RHBDF1: variants seen among roughly 807,000 people sequenced by gnomAD.
RHBDF1 encodes the protein inactive rhomboid protein 1.
A neutral mutation model predicts 98.6 loss-of-function variants in RHBDF1; 80 were observed. The observed-to-expected ratio is 0.81, with a 90% confidence interval of 0.68 to 0.98. The LOEUF is 0.98. Among genes scored for constraint, RHBDF1 ranks in the 50% least tolerant of loss-of-function variants. The pLI is 0.00. For missense variants in RHBDF1, 1,116 were observed against 1,198.3 expected, an observed-to-expected ratio of 0.93 and a Z score of 1.01; for synonymous variants, 512 against 486.8, an observed-to-expected ratio of 1.05 and a Z score of -0.68.
At chr16:71,010 G>T (rs1486224341) in intron 1 of RHBDF1, among the ~76,000 whole-genome samples, 1 of 152,240 alleles carries the variant, frequency 6.6e-6, no homozygotes, top group Non-Finnish European at 1.5e-5. Flanking sequence ...TGTGGCGGAG[G>T]CCCTCACAGC....
chr16:72,567 C>T lies in RHBDF1; in HGVS notation c.-79G>A, dbSNP rs1898004708. ...GAGGGCGCCGGGGAGGAGGCTGCCG[C>T]CGCTGGCCGGGAGGGCCCGCGCCGA... On this transcript the variant is annotated 5_prime_UTR_variant, in exon 1 of 18. Transcript: ENST00000262316. 2 of 897,038 alleles carry T rather than the reference C, an allele frequency of 2.2e-6. No homozygotes were observed. Among genetic ancestry groups the T allele is most frequent in the African/African-American group, 6.4e-5 (2 of 31,490 alleles). 55.6% of individuals were successfully genotyped at this position (897,038 alleles called of 1,614,324 possible).
chr16:58,938 A>C, intron 17 of RHBDF1, 36 bp downstream of exon 17: 1 of 1,608,826 alleles, frequency 6.2e-7, no homozygotes, highest in African/African-American at 1.3e-5. Flanking sequence ...CTGCAGGTGC[A>C]CACGGGAGGA....
In RHBDF1 at chr16:60,531, C is replaced by G; in HGVS notation, c.1566G>C (p.Leu522=). 6.2e-7 allele frequency: 1 copy of G among 1,607,908 alleles called. No homozygotes were observed. The highest frequency in any genetic ancestry group is 8.5e-7 in the Non-Finnish European group (1 of 1,179,650). The change falls in exon 12 of 18, where the codon CTG becomes CTC. Residue 522 remains leucine, a synonymous_variant. Transcript: ENST00000262316. ...GGATGGGCCACTTCACCCACACTGC[C>G]AGCGTGGACTGTGGGAGGGGGACAC... ...QTSEEECSST[L]AVWVKWPIHP... is the part of the protein sequence containing the mutation.
rs754034846 is a variant in RHBDF1 at position 59,147 on chromosome 16, G to A, written c.1995-20C>T. On this transcript the variant is annotated intron_variant, in intron 16 of 17. Coordinates refer to ENST00000262316, the MANE Select transcript of RHBDF1 (RefSeq NM_022450.5). ...AAGATCCTGTAGTCAGTAGCAGGCGGGGGTCGGGAGACATTCAGCAGGGAA... is the reference window on the plus strand; with the variant it reads ...AAGATCCTGTAGTCAGTAGCAGGCGAGGGTCGGGAGACATTCAGCAGGGAA... 2.5e-6 allele frequency: 4 copies of A among 1,608,558 alleles called. No homozygotes were observed. The highest frequency in any genetic ancestry group is 3.4e-6 in the Non-Finnish European group (4 of 1,176,402).
intron 1 of RHBDF1, among the ~76,000 whole-genome samples, chr16:67,707 C>G (rs1453716638): frequency 2.0e-5 from 3 of 152,204 alleles, no homozygotes; most frequent in Admixed American, 1.3e-4. Flanking sequence ...TATGTATGGG[C>G]CACTGTCCTG....
Position 59,073 on chromosome 16 carries a change from C to A in RHBDF1, c.2049G>T (p.Leu683=). Residue 683 remains leucine, a synonymous_variant, in exon 17 of 18, where the codon CTG becomes CTT. Transcript: ENST00000262316. ...TGCGGTGCCAGCCTGCCAGCTTCTC[C>A]AGGTCCCGCAGGACAGTCATCTGGA... ...ICFQMTVLRD[L]EKLAGWHRIA... 6.2e-7 allele frequency: 1 copy of A among 1,613,612 alleles called. No homozygotes were observed. Among genetic ancestry groups the A allele is most frequent in the Non-Finnish European group, 8.5e-7 (1 of 1,180,026 alleles).
Position 59,748 on chromosome 16 carries a change from T to G in RHBDF1, c.1801A>C (p.Ile601Leu). ...CACACGTACCTGCCCTTGGTGCCAA[T>G]GCAGCAGGGCCGTCCTGTGATGACA... The part of the protein sequence containing the change: ...DCVITGRPCC[I>L]GTKGRCEITS... The change falls in exon 14 of 18, where the codon ATT becomes CTT. Residue 601 changes from isoleucine to leucine, a missense_variant. Physicochemically the swap from Ile to Leu is conservative, Grantham distance 5. Coordinates refer to ENST00000262316, the MANE Select transcript of RHBDF1 (RefSeq NM_022450.5). 2 of 1,614,092 alleles carry G rather than the reference T, an allele frequency of 1.2e-6. No individual in the cohort carries two copies. Among genetic ancestry groups the G allele is most frequent in the Non-Finnish European group, 1.7e-6 (2 of 1,180,012 alleles).
chr16:62,319 G>A lies in RHBDF1; in HGVS notation c.953+219C>T. 2 of 745,546 alleles carry A rather than the reference G, an allele frequency of 2.7e-6. 1 individual carries two copies. The allele number at this position is 745,546 out of a possible 1,614,324, so 46.2% of individuals were successfully genotyped here. On this transcript the variant is annotated intron_variant, in intron 7 of 17. Transcript: ENST00000262316. ...CCCGTTGGATTCTGCCCAGCCCCTG[G>A]GTTCTAAGATTGCTGTCCCATTCCA...
chr16:70,332 T>TC (rs1471205272), intron 1 of RHBDF1, among the ~76,000 whole-genome samples: 2 of 152,044 alleles, frequency 1.3e-5, no homozygotes, highest in Non-Finnish European at 2.9e-5. Context: ...GAGGCCCACA[T>TC]CCCCTGCACA....
At chr16:61,732 G>T in intron 8 of RHBDF1, 36 bp from the exon 9 acceptor site, 2 of 1,612,106 alleles carry the variant, frequency 1.2e-6, no homozygotes, top group South Asian at 2.2e-5. Flanking sequence ...CCTCATCCCC[G>T]ACCCGGAGCC....
chr16:62,746 G>A (rs1402744351), intron 6 of RHBDF1, 29 bp downstream of exon 6: 16 of 1,614,094 alleles, frequency 9.9e-6, no homozygotes, highest in Non-Finnish European at 1.4e-5. Flanking sequence ...GGGAACGTGG[G>A]GTGGGGGGAC....
At chr16:58,894 A>C in intron 17 of RHBDF1, 80 bp downstream of exon 17, 1 of 1,573,684 alleles carries the variant, frequency 6.4e-7, no homozygotes, top group Non-Finnish European at 8.7e-7. Context: ...ATGCTCCCAG[A>C]CTCAGTGCTC....
chr16:65,139 C>T (rs936282112), intron 1 of RHBDF1, 100 bp from the exon 2 acceptor site: 41 of 1,271,816 alleles, frequency 3.2e-5, no homozygotes, highest in Non-Finnish European at 3.7e-5. Flanking sequence ...TGAGCCCAAC[C>T]GTGGTGCTCA....
At position 64,911 on chromosome 16, in the gene RHBDF1, G is replaced by T; in HGVS notation, c.105C>A (p.Pro35=). The T allele has an allele frequency of 6.2e-7, 1 of 1,607,872 alleles. No homozygotes were observed. Among genetic ancestry groups the T allele is most frequent in the African/African-American group, 1.3e-5 (1 of 74,916 alleles). Residue 35 remains proline (P), a synonymous_variant, in exon 2 of 18, where the codon CCC becomes CCA. Coordinates refer to ENST00000262316, the MANE Select transcript of RHBDF1 (RefSeq NM_022450.5). ...PSAVPLTAEE[P]SFLQPLRRQA... ...GGCCAGGGCCTACCTGCAGGAAGCTGGGCTCTTCTGCCGTCAGGGGCACCG... is the reference window on the plus strand; with the variant it reads ...GGCCAGGGCCTACCTGCAGGAAGCTTGGCTCTTCTGCCGTCAGGGGCACCG...
At chr16:62,075 T>C (rs761373878) in intron 7 of RHBDF1, 23 bp from the exon 8 acceptor site, 11 of 1,440,704 alleles carry the variant, frequency 7.6e-6, no homozygotes, top group Non-Finnish European at 1.0e-5. Flanking sequence ...GGCATTCACC[T>C]CCCGCCCCAG....
intron 13 of RHBDF1, 77 bp from the exon 14 acceptor site, chr16:59,903 C>T (rs1897544573): frequency 6.2e-6 from 10 of 1,602,930 alleles, no homozygotes; most frequent in Non-Finnish European, 8.5e-6. Flanking sequence ...GGGGTAGAGG[C>T]AAAGATGGGT....
rs937947465 is a variant in RHBDF1 at position 60,108 on chromosome 16, T to C, written c.1722+108A>G. On this transcript the variant is annotated intron_variant, in intron 13 of 17. Coordinates refer to ENST00000262316, the MANE Select transcript of RHBDF1 (RefSeq NM_022450.5). ...GGCAGGTGCACAGCCTCTGAAAACG[T>C]GAGGTGGTCCCATGATGGGAATCTC... The C allele has an allele frequency of 2.5e-6, 4 of 1,578,806 alleles. No individual in the cohort carries two copies. In the African/African-American group the frequency reaches 5.4e-5, roughly 21 times the overall value.
In RHBDF1 at chr16:59,467, A is replaced by C; in HGVS notation, c.1845T>G (p.Cys615Trp). ...CATGGAAGTAGCCCCTCATGAAGTCACAGTACTCCCGGGAGGTGATCTCAC... is the reference window on the plus strand; with the variant it reads ...CATGGAAGTAGCCCCTCATGAAGTCCCAGTACTCCCGGGAGGTGATCTCAC... ...GRCEITSREYCDFMRGYFHEE... is the reference protein window; with the variant it reads ...GRCEITSREYWDFMRGYFHEE... The change falls in exon 15 of 18, where the codon TGT (cysteine) becomes TGG (tryptophan). Residue 615 changes from cysteine to tryptophan, a missense_variant. Transcript: ENST00000262316. 6.2e-7 allele frequency: 1 copy of C among 1,613,650 alleles called. No individual in the cohort carries two copies. The highest frequency in any genetic ancestry group is 1.3e-5 in the African/African-American group (1 of 75,030).
chr16:68,529 C>T (rs1036327484), intron 1 of RHBDF1, among the ~76,000 whole-genome samples: 5 of 152,208 alleles, frequency 3.3e-5, no homozygotes, highest in East Asian at 1.9e-4. Context: ...ATGGGGAAAC[C>T]GTGGCCCACG....
Sources: allele counts gnomAD v4.1 joint callset (sites outside exome capture counted in the v4.1 genomes callset), GRCh38; gene constraint gnomAD v4.1.1; transcripts MANE v1.5; gene names NCBI Gene and HGNC (gene_info 2026-07-23, HGNC 2026-07-21).